NCKAP5: variants seen among roughly 807,000 people sequenced by gnomAD.
NCKAP5 encodes nck-associated protein 5.
NCKAP5 carries 92 observed loss-of-function variants against 167.0 expected under a neutral mutation model. That is an observed-to-expected ratio of 0.55 (90% CI 0.47 to 0.66). The LOEUF (loss-of-function observed/expected upper bound fraction) is 0.66. Ranked by LOEUF, NCKAP5 falls within the 30% of genes least tolerant of loss-of-function variation. The pLI, the probability that NCKAP5 is intolerant of heterozygous loss-of-function variation, is 0.00. For synonymous variants in NCKAP5, 891 were observed against 877.4 expected, an observed-to-expected ratio of 1.02 and a Z score of -0.27; for missense variants, 2,378 against 2,315.0, an observed-to-expected ratio of 1.03 and a Z score of -0.56.
intron 6 of NCKAP5, among the ~76,000 whole-genome samples, chr2:133,064,094 G>C (rs2080105626): frequency 6.6e-6 from 1 of 152,176 alleles, no homozygotes; most frequent in Admixed American, 6.5e-5. Context: ...GAGGTGCTGA[G>C]GAAAAGGAGA....
intron 8 of NCKAP5, chr2:132,911,340 G>A (rs766181126): frequency 6.6e-6 from 1 of 152,176 alleles, no homozygotes; most frequent in Non-Finnish European, 1.5e-5. Context: ...CCAGTGTCCA[G>A]CTAGGAAATC....
chr2:133,497,065 C>T (rs1018021049), intron 3 of NCKAP5, among the ~76,000 whole-genome samples: 20 of 152,122 alleles, frequency 1.3e-4, no homozygotes, highest in African/African-American at 2.9e-4. Flanking sequence ...GCTGAATGAA[C>T]GTGCAAAGCT....
chr2:133,466,150 G>A (rs1309671621), intron 3 of NCKAP5, among the ~76,000 whole-genome samples: 3 of 142,996 alleles, frequency 2.1e-5, no homozygotes, highest in South Asian at 2.3e-4. Flanking sequence ...TAGGTCTAAC[G>A]TTTAAGTCTT....
intron 8 of NCKAP5, among the ~76,000 whole-genome samples, chr2:132,944,401 G>A (rs1041001619): frequency 2.0e-5 from 3 of 152,122 alleles, no homozygotes; most frequent in African/African-American, 7.2e-5. Flanking sequence ...CTTATTTTGT[G>A]CCAATTTCTG....
intron 2 of NCKAP5, among the ~76,000 whole-genome samples, chr2:133,541,748 A>G (rs2104889465): frequency 6.6e-6 from 1 of 152,124 alleles, no homozygotes; most frequent in South Asian, 2.1e-4. Context: ...TAACTACATG[A>G]TATTGACTAA....
chr2:133,086,014 ATCT>A (rs1368416843), intron 6 of NCKAP5, among the ~76,000 whole-genome samples: 1 of 152,138 alleles, frequency 6.6e-6, no homozygotes, highest in Non-Finnish European at 1.5e-5. Flanking sequence ...TGCTACCAGA[ATCT>A]TCTTCTCTCA....
intron 3 of NCKAP5, among the ~76,000 whole-genome samples, chr2:133,472,967 G>T (rs1021958637): frequency 6.6e-6 from 1 of 152,250 alleles, no homozygotes; most frequent in South Asian, 2.1e-4. Context: ...GATGATAATT[G>T]TTACCTGGTT....
chr2:132,944,852 G>T (rs184753352), intron 8 of NCKAP5, among the ~76,000 whole-genome samples: 1 of 152,280 alleles, frequency 6.6e-6, no homozygotes, highest in Non-Finnish European at 1.5e-5. Flanking sequence ...CAGCCAAGAA[G>T]TCACTGCTTT....
In NCKAP5 at chr2:133,130,022, T is replaced by C. The variant is rs2082543073; in HGVS notation, c.297A>G (p.Glu99=). 20 of 1,611,430 alleles carry C rather than the reference T, an allele frequency of 1.2e-5. No homozygotes were observed. The highest frequency in any genetic ancestry group is 1.7e-5 in the Non-Finnish European group (20 of 1,179,028). The change falls in exon 6 of 20, where the codon GAA becomes GAG. Residue 99 remains glutamate (E), a synonymous_variant. Coordinates refer to ENST00000409261, the MANE Select transcript of NCKAP5 (RefSeq NM_207363.3). ...KRLQEVTLES[E]RNRIQMRSLQ... ...AGCTACGCATCTGAATTCTGTTGCG[T>C]TCAGACTCTAGGGTCACCTCCTGCA...
chr2:132,826,280 T>C (rs1416075580), intron 11 of NCKAP5, among the ~76,000 whole-genome samples: 1 of 152,232 alleles, frequency 6.6e-6, no homozygotes, highest in African/African-American at 2.4e-5. Flanking sequence ...TCCCACTCTA[T>C]CACAAAGGCA....
At chr2:132,764,230 A>G (rs1263380646) in intron 16 of NCKAP5, among the ~76,000 whole-genome samples, 1 of 152,212 alleles carries the variant, frequency 6.6e-6, no homozygotes, top group South Asian at 2.1e-4. Context: ...AATGAAAAAC[A>G]TGGAGGGTGA....
At chr2:133,168,933 G>A (rs867937243) in intron 5 of NCKAP5, among the ~76,000 whole-genome samples, 8 of 152,142 alleles carry the variant, frequency 5.3e-5, no homozygotes, top group African/African-American at 1.7e-4. Context: ...CCTTCTAAAC[G>A]CTGTATCCCA....
chr2:133,346,866 G>T (rs1036950900), intron 3 of NCKAP5, among the ~76,000 whole-genome samples: 17 of 152,234 alleles, frequency 1.1e-4, no homozygotes, highest in Non-Finnish European at 5.9e-5. Flanking sequence ...CTCAGCAGAA[G>T]ACTTGAGTCA....
At chr2:132,901,699 T>C (rs372312622) in intron 8 of NCKAP5, among the ~76,000 whole-genome samples, 89 of 152,340 alleles carry the variant, frequency 5.8e-4, no homozygotes, top group African/African-American at 1.9e-3. Flanking sequence ...CCTAGAATTG[T>C]TAACTTTTAA....
chr2:133,125,431 A>C (rs1048851143), intron 6 of NCKAP5, among the ~76,000 whole-genome samples: 3 of 152,106 alleles, frequency 2.0e-5, no homozygotes, highest in Non-Finnish European at 4.4e-5. Flanking sequence ...TACAGCATTC[A>C]CCTTGGCTGT....
chr2:133,061,832 TCC>T (rs1417499314), intron 6 of NCKAP5, among the ~76,000 whole-genome samples: 1 of 147,310 alleles, frequency 6.8e-6, no homozygotes, highest in Non-Finnish European at 1.5e-5. Context: ...CACTATGGCT[TCC>T]CCACCTTAGA....
the NCKAP5 span, among the ~76,000 whole-genome samples, chr2:133,597,389 G>A: frequency 6.6e-6 from 1 of 152,220 alleles, no homozygotes; most frequent in African/African-American, 2.4e-5. Flanking sequence ...GAGACTGCTG[G>A]CTGGGCGCAG....
intron 2 of NCKAP5, among the ~76,000 whole-genome samples, chr2:133,535,899 G>A (rs1433290115): frequency 6.6e-6 from 1 of 152,122 alleles, no homozygotes; most frequent in Admixed American, 6.6e-5. Flanking sequence ...TAGAGATGTT[G>A]AGCATTTTTT....
the NCKAP5 span, among the ~76,000 whole-genome samples, chr2:133,647,775 GAAAA>G: frequency 7.5e-6 from 1 of 133,020 alleles, no homozygotes; most frequent in Non-Finnish European, 1.6e-5. Flanking sequence ...AAAAAGAAAA[GAAAA>G]AAAAGAAAAG....
Sources: gnomAD v4.1 joint callset for allele counts (sites outside exome capture counted in the v4.1 genomes callset) on GRCh38, gnomAD v4.1.1 for gene constraint, MANE v1.5 for transcripts, NCBI Gene and HGNC (gene_info 2026-07-23, HGNC 2026-07-21) for gene names.